The following CLEC2A variants were observed in gnomAD, a reference collection of about 807,000 sequenced individuals.
The protein encoded by CLEC2A is keratinocyte-associated C-type lectin.
In CLEC2A, 19 loss-of-function variants were observed where a neutral mutation model predicts 18.6. That is an observed-to-expected ratio of 1.02 (90% CI 0.71 to 1.50). CLEC2A has a LOEUF of 1.50. Ranked by LOEUF, CLEC2A falls within the 40% of genes most tolerant of loss-of-function variation. The pLI is 0.00. For missense variants in CLEC2A, 190 were observed against 207.9 expected, an observed-to-expected ratio of 0.91 and a Z score of 0.53; for synonymous variants, 74 against 64.0, an observed-to-expected ratio of 1.16 and a Z score of -0.75.
chr12:9,898,881 G>A, exon 5 of CLEC2A: 1 of 711,312 alleles, frequency 1.4e-6, no homozygotes, highest in Non-Finnish European at 2.6e-6. Flanking sequence ...TGGGGAAACG[G>A]CAGTCAGAGC....
chr12:9,923,002 C>T (rs930955544), intron 2 of CLEC2A, among the ~76,000 whole-genome samples: 2 of 152,100 alleles, frequency 1.3e-5, no homozygotes, highest in African/African-American at 4.8e-5. Context: ...TGTGTTTCAA[C>T]TCTGTCTCTG....
At chr12:9,922,643 A>G (rs548443780) in intron 2 of CLEC2A, among the ~76,000 whole-genome samples, 1 of 152,332 alleles carries the variant, frequency 6.6e-6, no homozygotes, top group South Asian at 2.1e-4. Context: ...GGAAAGTGAA[A>G]CTTGCCATAA....
downstream of CLEC2A, among the ~76,000 whole-genome samples, chr12:9,897,686 G>A (rs138008033): frequency 1.7e-3 from 262 of 152,090 alleles, 1 homozygote; most frequent in African/African-American, 6.0e-3. Flanking sequence ...TTGAATTCTC[G>A]GTGGCTCTAC....
exon 5 of CLEC2A, chr12:9,898,897 C>A: frequency 1.4e-6 from 1 of 714,560 alleles, no homozygotes. Flanking sequence ...AGAGCTCCCT[C>A]AGAGGCCTAT....
chr12:9,895,592 TG>T (rs1214391437), downstream of CLEC2A: 2 of 1,174,422 alleles, frequency 1.7e-6, no homozygotes, highest in Non-Finnish European at 2.3e-6. Context: ...CTTTGGCTGC[TG>T]AAGAATTACC....
At chr12:9,882,505 C>T in the CLEC2A span, among the ~76,000 whole-genome samples, 9 of 152,144 alleles carry the variant, frequency 5.9e-5, no homozygotes, top group Admixed American at 1.3e-4. Context: ...AGACCAGGCA[C>T]GGTGGCTCAT....
At chr12:9,887,071 A>G in the CLEC2A span, among the ~76,000 whole-genome samples, 293 of 152,310 alleles carry the variant, frequency 1.9e-3, 2 homozygotes, top group African/African-American at 6.8e-3. Context: ...AAAAATGCCT[A>G]TTTATCCAGA....
chr12:9,894,164 CTTCT>C (rs1206413805), downstream of CLEC2A, among the ~76,000 whole-genome samples: 2 of 124,892 alleles, frequency 1.6e-5, no homozygotes, highest in Non-Finnish European at 3.3e-5. Context: ...CCCTCCCTTC[CTTCT>C]TTGTTTCTTT....
chr12:9,888,508 A>G, the CLEC2A span, among the ~76,000 whole-genome samples: 145 of 152,138 alleles, frequency 9.5e-4, 1 homozygote, highest in Admixed American at 7.0e-3. Flanking sequence ...AATAAAAATA[A>G]TAAAAATTAA....
chr12:9,924,368 T>G (rs985487718), intron 2 of CLEC2A, among the ~76,000 whole-genome samples: 1 of 152,058 alleles, frequency 6.6e-6, no homozygotes, highest in African/African-American at 2.4e-5. Context: ...GCAATAACAT[T>G]AAGCTCTAAG....
At position 9,922,217 on chromosome 12, in the gene CLEC2A, T is replaced by A; in HGVS notation, c.155A>T (p.His52Leu). The change falls in exon 3 of 5, where the codon CAT (histidine) becomes CTT (leucine). Residue 52 changes from histidine (H) to leucine (L), a missense_variant. Transcript: ENST00000455827. The part of the protein sequence containing the change: ...CIIMIATWSK[H>L]AKPVACSGDW... ...CCCTGAACATGCCACAGGTTTAGCA[T>A]GCTTGGACCATGTGGCTGAAAAAAA... The A allele has an allele frequency of 6.5e-7, 1 of 1,533,628 alleles. No homozygotes were observed. The highest frequency in any genetic ancestry group is 8.8e-7 in the Non-Finnish European group (1 of 1,139,964).
rs941160107 is a variant in CLEC2A, at chr12:9,902,421, C to T, written c.411-3445G>A. Reference sequence around the variant, plus strand: ...TTAATTTTTGAATTTGTAGTAGAAACGAGGTTTCATCATGTTGGCCAGGCT... The same window carrying T: ...TTAATTTTTGAATTTGTAGTAGAAATGAGGTTTCATCATGTTGGCCAGGCT... On this transcript the variant is annotated intron_variant, in intron 4 of 4. Transcript: ENST00000339766. Among the ~76,000 whole-genome samples the T allele has an allele frequency of 5.9e-5, 9 of 151,792 alleles. No homozygotes were observed. In the East Asian group the frequency reaches 1.2e-3, roughly 19 times the overall value.
At chr12:9,924,225 C>T (rs1046319934) in intron 2 of CLEC2A, among the ~76,000 whole-genome samples, 1 of 151,750 alleles carries the variant, frequency 6.6e-6, no homozygotes, top group South Asian at 2.1e-4. Context: ...TGATGATGAG[C>T]TTTTCTTTAT....
At chr12:9,910,387 C>T (rs1028266213), downstream of CLEC2A, among the ~76,000 whole-genome samples, 1 of 152,090 alleles carries the variant, frequency 6.6e-6, no homozygotes, top group African/African-American at 2.4e-5. Flanking sequence ...TTTCAACCTC[C>T]CCTCTATTGG....
chr12:9,919,126 A>AGTGCT (rs933323826), intron 3 of CLEC2A, among the ~76,000 whole-genome samples: 1 of 152,134 alleles, frequency 6.6e-6, no homozygotes, highest in Non-Finnish European at 1.5e-5. Context: ...CTCCCACTTG[A>AGTGCT]GTGCTGGCTA....
chr12:9,901,343 G>A (rs1477765797), intron 4 of CLEC2A, among the ~76,000 whole-genome samples: 1 of 150,192 alleles, frequency 6.7e-6, no homozygotes, highest in Non-Finnish European at 1.5e-5. Flanking sequence ...ACAATTGTCT[G>A]TGAATAGCAA....
At chr12:9,915,418 A>C (rs673832) in intron 4 of CLEC2A, among the ~76,000 whole-genome samples, 94,260 of 151,936 alleles carry the variant, frequency 0.62, 29,639 homozygotes, top group Middle Eastern at 0.68. Context: ...TTTATTGCAG[A>C]ACTATTTACA....
At chr12:9,923,910 A>C (rs1157521748) in intron 2 of CLEC2A, among the ~76,000 whole-genome samples, 2 of 151,532 alleles carry the variant, frequency 1.3e-5, no homozygotes, top group Admixed American at 6.6e-5. Context: ...CGGGAATATC[A>C]CACATTGGGG....
chr12:9,885,860 G>A, the CLEC2A span, among the ~76,000 whole-genome samples: 3 of 151,808 alleles, frequency 2.0e-5, no homozygotes, highest in African/African-American at 4.8e-5. Flanking sequence ...ATTTTTAGTC[G>A]TTATGAATCT....
Sources: allele counts gnomAD v4.1 joint callset (sites outside exome capture counted in the v4.1 genomes callset), GRCh38; gene constraint gnomAD v4.1.1; transcripts MANE v1.5; gene names NCBI Gene and HGNC (gene_info 2026-07-23, HGNC 2026-07-21).